Variants in CLTCL1 observed in about 807,000 individuals in gnomAD.
CLTCL1 encodes the protein clathrin heavy chain like 1, also known as clathrin heavy chain 2.
Under a neutral mutation model 190.0 loss-of-function variants are expected in CLTCL1, and 159 were observed. That is an observed-to-expected ratio of 0.84 (90% CI 0.74 to 0.95). The LOEUF is 0.95. Ranked by LOEUF, CLTCL1 falls within the 40% of genes least tolerant of loss-of-function variation. CLTCL1 has a pLI of 0.00. For missense variants in CLTCL1, 1,878 were observed against 2,033.4 expected, an observed-to-expected ratio of 0.92 and a Z score of 1.47; for synonymous variants, 752 against 769.6, an observed-to-expected ratio of 0.98 and a Z score of 0.38.
At chr22:19,228,405 G>C (rs1397175545) in intron 11 of CLTCL1, among the ~76,000 whole-genome samples, 1 of 152,150 alleles carries the variant, frequency 6.6e-6, no homozygotes, top group Non-Finnish European at 1.5e-5. Context: ...TAGGGTCTGG[G>C]CATTCCTTAG....
rs546838469 is a variant in CLTCL1 at position 19,201,497 on chromosome 22, C to T, written c.3601-4G>A. The T allele has an allele frequency of 1.9e-5, 30 of 1,609,746 alleles. 1 individual carries two copies. Among genetic ancestry groups the T allele is most frequent in the South Asian group, 9.9e-5 (9 of 90,950 alleles). Reference sequence around the variant, plus strand: ...CCTCGTAACAGCGGTCTCCAACCTACGGATAATAGGGTAGCTCGACTGAGA... The same window carrying T: ...CCTCGTAACAGCGGTCTCCAACCTATGGATAATAGGGTAGCTCGACTGAGA... On this transcript the variant is annotated splice_polypyrimidine_tract_variant and splice_region_variant and intron_variant, in intron 22 of 32. Transcript: ENST00000427926.
chr22:19,201,634 A>C (rs1331537455), intron 22 of CLTCL1, 141 bp from the exon 23 acceptor site: 1 of 939,732 alleles, frequency 1.1e-6, no homozygotes, highest in Non-Finnish European at 1.6e-6. Context: ...CAGTGACCAG[A>C]TGAAGTTGGC....
intron 27 of CLTCL1, among the ~76,000 whole-genome samples, chr22:19,190,387 CCTT>C (rs1329646407): frequency 2.6e-5 from 4 of 152,086 alleles, no homozygotes; most frequent in African/African-American, 9.7e-5. Flanking sequence ...ATTAAGTTTC[CCTT>C]CTTATAGGGG....
At chr22:19,240,764 G>A (rs1555964990) in intron 4 of CLTCL1, among the ~76,000 whole-genome samples, 1 of 152,242 alleles carries the variant, frequency 6.6e-6, no homozygotes, top group East Asian at 1.9e-4. Flanking sequence ...AGGTCAGACA[G>A]TGACGAGAGA....
At chr22:19,281,433 C>A (rs1267230204) in intron 1 of CLTCL1, among the ~76,000 whole-genome samples, 1 of 151,904 alleles carries the variant, frequency 6.6e-6, no homozygotes. Context: ...GTATATTTTA[C>A]CACAATTTTA....
At chr22:19,236,278 C>A (rs1054089362) in intron 5 of CLTCL1, among the ~76,000 whole-genome samples, 9 of 152,202 alleles carry the variant, frequency 5.9e-5, no homozygotes, top group African/African-American at 2.2e-4. Context: ...TAAACTCAGG[C>A]TACTCCATTT....
chr22:19,278,064 C>T (rs117681843), intron 1 of CLTCL1, among the ~76,000 whole-genome samples: 1 of 152,082 alleles, frequency 6.6e-6, no homozygotes, highest in Non-Finnish European at 1.5e-5. Flanking sequence ...ATGGAAGAGG[C>T]GCATAGAGAA....
In CLTCL1 at chr22:19,233,154, A is replaced by C. The variant is rs2085967117; in HGVS notation, c.1521+12T>G. 1 of 1,606,022 alleles carries C rather than the reference A, an allele frequency of 6.2e-7. No individual in the cohort carries two copies. The highest frequency in any genetic ancestry group is 1.7e-5 in the Admixed American group (1 of 59,848). On this transcript the variant is annotated intron_variant, in intron 9 of 32. Transcript: ENST00000427926. ...GTAATCTGTGAGATGCCAGTGGTTCAACACACGTTACCTTTTTGGCATAGA... is the reference window on the plus strand; with the variant it reads ...GTAATCTGTGAGATGCCAGTGGTTCCACACACGTTACCTTTTTGGCATAGA...
intron 29 of CLTCL1, 144 bp from the exon 30 acceptor site, chr22:19,183,755 C>T: frequency 1.3e-6 from 1 of 776,802 alleles, no homozygotes; most frequent in Non-Finnish European, 2.1e-6. Context: ...CATGGCTGGG[C>T]CATTCCCTAT....
At chr22:19,210,232 G>T in intron 20 of CLTCL1, 94 bp downstream of exon 20, 2 of 1,236,188 alleles carry the variant, frequency 1.6e-6, no homozygotes, top group Non-Finnish European at 2.3e-6. Flanking sequence ...CAACCAGAGG[G>T]TCTGACACCC....
At chr22:19,270,173 G>A (rs1202144681) in intron 2 of CLTCL1, among the ~76,000 whole-genome samples, 2 of 152,120 alleles carry the variant, frequency 1.3e-5, no homozygotes, top group Non-Finnish European at 2.9e-5. Flanking sequence ...GTTATAACAT[G>A]GATGGACCTC....
At chr22:19,245,106 C>G (rs2086375034) in intron 3 of CLTCL1, among the ~76,000 whole-genome samples, 1 of 150,200 alleles carries the variant, frequency 6.7e-6, no homozygotes, top group African/African-American at 2.4e-5. Flanking sequence ...GAAGTTGTTT[C>G]AAACAGAAAC....
intron 13 of CLTCL1, among the ~76,000 whole-genome samples, chr22:19,224,738 G>A (rs938551286): frequency 2.6e-5 from 4 of 152,096 alleles, no homozygotes; most frequent in Admixed American, 1.3e-4. Context: ...CCACTCAATC[G>A]TCTGCCATGG....
At chr22:19,264,851 C>T (rs1391138799) in intron 2 of CLTCL1, among the ~76,000 whole-genome samples, 2 of 151,578 alleles carry the variant, frequency 1.3e-5, no homozygotes, top group Non-Finnish European at 2.9e-5. Flanking sequence ...TGCAATGGGT[C>T]GATCTAGGTT....
chr22:19,204,385 CAG>C (rs2084988369), intron 22 of CLTCL1, among the ~76,000 whole-genome samples: 1 of 152,222 alleles, frequency 6.6e-6, no homozygotes, highest in Non-Finnish European at 1.5e-5. Context: ...GGCTCCTTCC[CAG>C]AGGTGTACAG....
chr22:19,253,958 C>T lies in CLTCL1; in HGVS notation c.519+1G>A, dbSNP rs782697985. The T allele has an allele frequency of 6.2e-6, 10 of 1,611,836 alleles. No individual in the cohort carries two copies. The South Asian group carries it at 9.9e-5, about 16-fold the overall frequency. On this transcript the variant is annotated splice_donor_variant, in intron 3 of 32. Transcript: ENST00000427926. LOFTEE classifies it high-confidence loss of function. ...GCCCCTAAAGGCAGCTCAAGGCTTA[C>T]CTGAGCCGAGATGCCTACGAGCAGC... is the stretch of plus-strand genomic sequence containing the variant.
At chr22:19,238,493 G>T in intron 5 of CLTCL1, 1 of 208,964 alleles carries the variant, frequency 4.8e-6, no homozygotes. Flanking sequence ...TCCTCAATAA[G>T]GAAAGCACAC....
intron 1 of CLTCL1, among the ~76,000 whole-genome samples, chr22:19,289,543 G>A (rs1439826330): frequency 1.3e-5 from 2 of 152,156 alleles, no homozygotes; most frequent in African/African-American, 4.8e-5. Context: ...GCTCTTTCAT[G>A]ACATCCAGCT....
chr22:19,200,114 G>A (rs376231086), intron 23 of CLTCL1, among the ~76,000 whole-genome samples: 7 of 152,160 alleles, frequency 4.6e-5, no homozygotes, highest in African/African-American at 1.4e-4. Context: ...TTCAGGTGGC[G>A]GGAAAGTCAT....
Sources: allele counts gnomAD v4.1 joint callset (sites outside exome capture counted in the v4.1 genomes callset), GRCh38; gene constraint gnomAD v4.1.1; transcripts MANE v1.5; gene names NCBI Gene and HGNC (gene_info 2026-07-23, HGNC 2026-07-21).